Variants in HSPA4L observed in about 807,000 individuals in gnomAD.
HSPA4L encodes heat shock 70 kDa protein 4L.
Under a neutral mutation model 100.3 loss-of-function variants are expected in HSPA4L, and 48 were observed. The observed-to-expected ratio is 0.48, with a 90% CI of 0.38 to 0.61. The LOEUF (loss-of-function observed/expected upper bound fraction) is 0.61. Among genes scored for constraint, HSPA4L ranks in the 20% least tolerant of loss-of-function variants. The probability of loss-of-function intolerance (pLI) is 0.00; values close to 1 mark genes in which losing one functional copy is unlikely to be tolerated. For synonymous variants in HSPA4L, 319 were observed against 328.2 expected (o/e 0.97, Z 0.30); for missense variants, 886 against 988.6 (o/e 0.90, Z 1.39).
intron 16 of HSPA4L, 101 bp from the exon 17 acceptor site, chr4:127,827,204 G>A: frequency 1.1e-6 from 1 of 920,382 alleles, no homozygotes; most frequent in Non-Finnish European, 1.7e-6. Context: ...ATTTTTATCT[G>A]TCCATCTTTT....
At chr4:127,792,758 GT>G (rs1343840482) in intron 1 of HSPA4L, among the ~76,000 whole-genome samples, 1 of 152,188 alleles carries the variant, frequency 6.6e-6, no homozygotes, top group Non-Finnish European at 1.5e-5. Context: ...TGGGTTAACA[GT>G]GTGAGGTATG....
In HSPA4L at chr4:127,790,859, T is replaced by C. The variant is rs544046468; in HGVS notation, c.108-3218T>C. On this transcript the variant is annotated intron_variant, in intron 1 of 18. Transcript: ENST00000296464. ...TTTTAATAGAGCCAGGTACAGTGGC[T>C]GACACCTGTAATCCCAGCACTTTGG... Among the ~76,000 whole-genome samples the C allele has an allele frequency of 6.6e-5, 10 of 152,360 alleles. No individual in the cohort carries two copies. The East Asian group carries it at 1.9e-3, about 29-fold the overall frequency.
intron 1 of HSPA4L, among the ~76,000 whole-genome samples, chr4:127,789,277 G>T (rs974648464): frequency 6.6e-6 from 1 of 152,082 alleles, no homozygotes; most frequent in Non-Finnish European, 1.5e-5. Context: ...TTAGAATTTT[G>T]TGGTATTTTC....
intron 17 of HSPA4L, among the ~76,000 whole-genome samples, chr4:127,827,923 C>T (rs1733987944): frequency 6.6e-6 from 1 of 152,104 alleles, no homozygotes. Context: ...TAACCTTAAT[C>T]TTTCCACTGT....
rs1321252175 is a variant in HSPA4L at position 127,803,620 on chromosome 4, A to G, written c.664-9A>G. 5 of 1,565,596 alleles carry G rather than the reference A, an allele frequency of 3.2e-6. No homozygotes were observed. Among genetic ancestry groups the G allele is most frequent in the African/African-American group, 1.4e-5 (1 of 72,830 alleles). The stretch of plus-strand genomic sequence containing the variant: ...CTGAAAATACAGTTCTGCTTTTTCA[A>G]TTAAACAGGTCTTGGCTACTACCTT... On this transcript the variant is annotated splice_polypyrimidine_tract_variant and intron_variant, in intron 6 of 18. Coordinates refer to ENST00000296464, the MANE Select transcript of HSPA4L (RefSeq NM_014278.4).
At chr4:127,790,272 T>G (rs11946033) in intron 1 of HSPA4L, among the ~76,000 whole-genome samples, 3,587 of 152,316 alleles carry the variant, frequency 0.024, 125 homozygotes, top group African/African-American at 0.082. Context: ...AGCCTAGTAT[T>G]GAAAAATTAG....
chr4:127,840,547 A>G lies in HSPA4L; in HGVS notation c.*7673A>G, dbSNP rs1734342647. 1 of 152,260 alleles carries G rather than the reference A, an allele frequency of 6.6e-6. No individual in the cohort carries two copies. The highest frequency in any genetic ancestry group is 6.5e-5 in the Admixed American group (1 of 15,284). The allele number at this position is 152,260 out of a possible 1,614,324, so 9.4% of individuals were successfully genotyped here. ...TATGTATTTGTCAATTTTAGTTCAC[A>G]AACATATCCATAAGAATGTTTACAC... is the stretch of plus-strand genomic sequence containing the variant. On this transcript the variant is annotated 3_prime_UTR_variant, in exon 19 of 19. Transcript: ENST00000296464.
intron 6 of HSPA4L, 144 bp from the exon 7 acceptor site, chr4:127,803,485 A>G (rs1733252095): frequency 4.5e-6 from 3 of 666,288 alleles, no homozygotes; most frequent in South Asian, 5.6e-5. Flanking sequence ...TTTAACTCTG[A>G]TTCCAAATTC....
intron 1 of HSPA4L, among the ~76,000 whole-genome samples, chr4:127,786,171 ACTAT>A (rs1241525975): frequency 1.3e-5 from 1 of 77,420 alleles, no homozygotes; most frequent in Non-Finnish European, 2.5e-5. Flanking sequence ...GATCATACTA[ACTAT>A]CTTTTTTTTC....
chr4:127,829,480 A>AT (rs1348653241), intron 17 of HSPA4L, among the ~76,000 whole-genome samples: 1 of 152,066 alleles, frequency 6.6e-6, no homozygotes, highest in Non-Finnish European at 1.5e-5. Context: ...TTGAACCCAG[A>AT]TGGTAGGGTT....
chr4:127,826,980 T>A (rs1444691275), intron 16 of HSPA4L, among the ~76,000 whole-genome samples: 1 of 152,178 alleles, frequency 6.6e-6, no homozygotes, highest in Admixed American at 6.5e-5. Context: ...GCATGCAGTA[T>A]AGTTTTTACA....
At chr4:127,816,016 G>A (rs1349633384) in intron 12 of HSPA4L, among the ~76,000 whole-genome samples, 1 of 152,130 alleles carries the variant, frequency 6.6e-6, no homozygotes, top group Non-Finnish European at 1.5e-5. Context: ...AGTGGTTGGT[G>A]TATAGGATAT....
Position 127,839,685 on chromosome 4 carries a change from ACT to A in HSPA4L, c.*6814_*6815del, listed in dbSNP as rs1465811823. The A allele has an allele frequency of 6.7e-6, 1 of 149,960 alleles. No homozygotes were observed. The highest frequency in any genetic ancestry group is 1.5e-5 in the Non-Finnish European group (1 of 67,454). The allele number at this position is 149,960 out of a possible 1,614,324, so 9.3% of individuals were successfully genotyped here. A position where few individuals can be genotyped will look rare whatever the true frequency, so the allele number is the denominator to read the frequency against. On this transcript the variant is annotated 3_prime_UTR_variant, in exon 19 of 19. Coordinates refer to ENST00000296464, the MANE Select transcript of HSPA4L (RefSeq NM_014278.4). ...TCCAACCTGGGGGTAACAGAGCGAG[ACT>A]CTGTCTCAAAAAAAAAAAAAAGTGT... is the stretch of plus-strand genomic sequence containing the variant.
intron 16 of HSPA4L, 31 bp from the exon 17 acceptor site, chr4:127,827,274 T>G: frequency 6.3e-7 from 1 of 1,589,782 alleles, no homozygotes; most frequent in Non-Finnish European, 8.5e-7. Flanking sequence ...CTCAAAAATT[T>G]TTCTTCTTTA....
At position 127,837,217 on chromosome 4, in the gene HSPA4L, T is replaced by A. The variant is rs1734230889; in HGVS notation, c.*4343T>A. The A allele has an allele frequency of 6.6e-6, 1 of 152,236 alleles. No homozygotes were observed. Among genetic ancestry groups the A allele is most frequent in the South Asian group, 2.1e-4 (1 of 4,828 alleles). The allele number at this position is 152,236 out of a possible 1,614,324, so 9.4% of individuals were successfully genotyped here. On this transcript the variant is annotated 3_prime_UTR_variant, in exon 19 of 19. Transcript: ENST00000296464. ...CACCCACCTCAGACTCCCAAAGTGC[T>A]GGGATTACAGGCGTGAGCCACCATA...
chr4:127,807,957 T>C, intron 10 of HSPA4L, 39 bp from the exon 11 acceptor site: 1 of 1,581,612 alleles, frequency 6.3e-7, no homozygotes. Flanking sequence ...TAGGCAACTT[T>C]CTATTTGTTT....
chr4:127,803,719 T>C lies in HSPA4L; in HGVS notation c.754T>C (p.Tyr252His). The C allele has an allele frequency of 6.2e-7, 1 of 1,613,964 alleles. No individual in the cohort carries two copies. Among genetic ancestry groups the C allele is most frequent in the Non-Finnish European group, 8.5e-7 (1 of 1,179,940 alleles). ...DYFCDEFKTK[Y>H]KINVKENSRA... ...CTTCTGTGATGAGTTCAAGACCAAA[T>C]ATAAGATAAATGTGAAAGAAAACTC... is the stretch of plus-strand genomic sequence containing the variant. Residue 252 changes from tyrosine (Y) to histidine (H), a missense_variant, in exon 7 of 19, where the codon TAT (tyrosine) becomes CAT (histidine). Physicochemically the swap from Tyr to His is moderately conservative, Grantham distance 83. Coordinates refer to ENST00000296464, the MANE Select transcript of HSPA4L (RefSeq NM_014278.4).
chr4:127,784,644 T>C (rs1172732859), intron 1 of HSPA4L, among the ~76,000 whole-genome samples: 1 of 152,260 alleles, frequency 6.6e-6, no homozygotes, highest in African/African-American at 2.4e-5. Context: ...CTCAGAAGTG[T>C]ATCTTTTGTT....
rs1734164030 is a variant in HSPA4L, at chr4:127,834,651, T to C, written c.*1777T>C. On this transcript the variant is annotated 3_prime_UTR_variant, in exon 19 of 19. Coordinates refer to ENST00000296464, the MANE Select transcript of HSPA4L (RefSeq NM_014278.4). ...AACATAGATGCTTTTTATTTGTATGTTGAATGTACAGATTCATTTCAAGAA... is the reference window on the plus strand; with the variant it reads ...AACATAGATGCTTTTTATTTGTATGCTGAATGTACAGATTCATTTCAAGAA... 1 of 152,236 alleles carries C rather than the reference T, an allele frequency of 6.6e-6. No homozygotes were observed. The highest frequency in any genetic ancestry group is 6.5e-5 in the Admixed American group (1 of 15,294). The allele number at this position is 152,236 out of a possible 1,614,324, so 9.4% of individuals were successfully genotyped here.
Sources: allele counts gnomAD v4.1 joint callset (sites outside exome capture counted in the v4.1 genomes callset), GRCh38; gene constraint gnomAD v4.1.1; transcripts MANE v1.5; gene names NCBI Gene and HGNC (gene_info 2026-07-23, HGNC 2026-07-21).